RFFL: variants seen among roughly 807,000 people sequenced by gnomAD.
RFFL encodes ring finger and FYVE like domain containing E3 ubiquitin protein ligase, also known as E3 ubiquitin-protein ligase rififylin.
A neutral mutation model predicts 40.4 loss-of-function variants in RFFL; 16 were observed. The ratio of observed to expected loss-of-function variants is 0.40; its 90% CI spans 0.27 to 0.60. The LOEUF (loss-of-function observed/expected upper bound fraction) is 0.60. RFFL is among the 20% of genes least tolerant of loss of function. RFFL has a pLI of 0.47. For synonymous variants in RFFL, 154 were observed against 167.9 expected, an observed-to-expected ratio of 0.92 and a Z score of 0.64; for missense variants, 367 against 451.7, an observed-to-expected ratio of 0.81 and a Z score of 1.70.
intron 1 of RFFL, among the ~76,000 whole-genome samples, chr17:35,060,618 T>A (rs1252361250): frequency 6.6e-6 from 1 of 152,214 alleles, no homozygotes; most frequent in Non-Finnish European, 1.5e-5. Flanking sequence ...CGGGACTAGA[T>A]CTCAGCAAAC....
chr17:35,033,515 C>G (rs560018068), intron 1 of RFFL, among the ~76,000 whole-genome samples: 23 of 151,212 alleles, frequency 1.5e-4, no homozygotes, highest in Non-Finnish European at 1.3e-4. Context: ...GCATTTTGAG[C>G]GAAACTCTGT....
intron 3 of RFFL, 40 bp downstream of exon 3, chr17:35,021,331 A>G (rs2091006887): frequency 1.3e-6 from 2 of 1,505,474 alleles, no homozygotes; most frequent in Non-Finnish European, 1.8e-6. Flanking sequence ...TGAGCCCTCA[A>G]ACTGGCACAG....
chr17:35,064,868 G>A (rs1042548735), upstream of RFFL, among the ~76,000 whole-genome samples: 2 of 152,046 alleles, frequency 1.3e-5, no homozygotes, highest in Non-Finnish European at 1.5e-5. Context: ...TCTATTCAAG[G>A]GGCTAGTTTT....
intron 1 of RFFL, among the ~76,000 whole-genome samples, chr17:35,076,026 C>T (rs1467586792): frequency 2.6e-5 from 3 of 115,468 alleles, no homozygotes; most frequent in African/African-American, 1.1e-4. Context: ...CGGAGTCTTG[C>T]TCTGTCTCCC....
intron 1 of RFFL, among the ~76,000 whole-genome samples, chr17:35,057,558 A>G (rs1289292943): frequency 6.6e-6 from 1 of 150,934 alleles, no homozygotes; most frequent in Non-Finnish European, 1.5e-5. Context: ...CAGATTTCAC[A>G]TTCTCCAGTC....
At chr17:35,088,101 G>T (rs2091440011) in intron 1 of RFFL, among the ~76,000 whole-genome samples, 1 of 152,170 alleles carries the variant, frequency 6.6e-6, no homozygotes, top group African/African-American at 2.4e-5. Flanking sequence ...TTAACAGGAA[G>T]TCTCTCTGTC....
chr17:35,033,926 A>T (rs981033931), intron 1 of RFFL, among the ~76,000 whole-genome samples: 1 of 151,868 alleles, frequency 6.6e-6, no homozygotes, highest in Non-Finnish European at 1.5e-5. Flanking sequence ...GCGGATCACG[A>T]GGTCAGGAGA....
intron 1 of RFFL, among the ~76,000 whole-genome samples, chr17:35,077,507 C>T (rs1306950867): frequency 6.6e-6 from 1 of 152,152 alleles, no homozygotes; most frequent in African/African-American, 2.4e-5. Context: ...TATTGGCTGG[C>T]AACAGATTAG....
intron 1 of RFFL, among the ~76,000 whole-genome samples, chr17:35,061,621 C>T (rs1259711263): frequency 2.0e-5 from 3 of 149,196 alleles, no homozygotes; most frequent in Admixed American, 6.7e-5. Context: ...CCATGCGTGG[C>T]GTGCCTTTTT....
At chr17:35,017,807 A>G (rs1473075534) in intron 3 of RFFL, among the ~76,000 whole-genome samples, 1 of 152,190 alleles carries the variant, frequency 6.6e-6, no homozygotes, top group African/African-American at 2.4e-5. Context: ...ACATTTCAAT[A>G]GACAAAGCTG....
intron 2 of RFFL, among the ~76,000 whole-genome samples, chr17:35,023,147 A>G (rs1238597949): frequency 1.3e-5 from 2 of 152,250 alleles, no homozygotes; most frequent in Non-Finnish European, 2.9e-5. Context: ...AAAACTTTTC[A>G]TCCTGTGTTG....
intron 1 of RFFL, among the ~76,000 whole-genome samples, chr17:35,087,943 T>C (rs1008630783): frequency 1.3e-5 from 2 of 152,200 alleles, no homozygotes; most frequent in African/African-American, 4.8e-5. Flanking sequence ...CCTAGAACTC[T>C]GTACACAAAT....
At chr17:35,040,602 C>CA (rs1314518844) in intron 1 of RFFL, among the ~76,000 whole-genome samples, 7,504 of 122,082 alleles carry the variant, frequency 0.061, 288 homozygotes, top group Non-Finnish European at 0.087. Context: ...GACTCTCTCT[C>CA]AAAAAAAAAA....
At chr17:35,040,047 A>G (rs763917537) in intron 1 of RFFL, among the ~76,000 whole-genome samples, 1 of 151,976 alleles carries the variant, frequency 6.6e-6, no homozygotes, top group Non-Finnish European at 1.5e-5. Flanking sequence ...ACCATTCCTA[A>G]TCTCTTCAAG....
At chr17:35,077,294 T>C (rs971538701) in intron 1 of RFFL, among the ~76,000 whole-genome samples, 7 of 152,072 alleles carry the variant, frequency 4.6e-5, no homozygotes, top group Non-Finnish European at 1.0e-4. Context: ...ACCTCTGATA[T>C]CAAGTTCTTA....
chr17:35,062,240 T>C (rs1375229884), intron 1 of RFFL, among the ~76,000 whole-genome samples: 2 of 151,720 alleles, frequency 1.3e-5, no homozygotes, highest in Non-Finnish European at 2.9e-5. Flanking sequence ...CTGTCTCTAC[T>C]AAAAATACAA....
intron 4 of RFFL, 88 bp downstream of exon 4, chr17:35,017,435 T>C (rs2090980975): frequency 2.4e-6 from 2 of 834,654 alleles, no homozygotes; most frequent in African/African-American, 3.4e-5. Context: ...ACACATTTAT[T>C]CTCTCTCCAC....
chr17:35,018,803 T>G (rs1318426301), intron 3 of RFFL: 4 of 152,298 alleles, frequency 2.6e-5, no homozygotes, highest in Non-Finnish European at 4.4e-5. Flanking sequence ...CTTAGCTTAC[T>G]GTAGATCCTC....
chr17:35,067,299 G>T (rs1667214577), upstream of RFFL, among the ~76,000 whole-genome samples: 1 of 151,770 alleles, frequency 6.6e-6, no homozygotes, highest in Non-Finnish European at 1.5e-5. Context: ...TGTATTTTAA[G>T]TAGAGACAGA....
Sources: allele counts gnomAD v4.1 joint callset (sites outside exome capture counted in the v4.1 genomes callset), GRCh38; gene constraint gnomAD v4.1.1; transcripts MANE v1.5; gene names NCBI Gene and HGNC (gene_info 2026-07-23, HGNC 2026-07-21).